ETV1: variants seen among roughly 807,000 people sequenced by gnomAD.
The protein encoded by ETV1 is ETS variant transcription factor 1.
A neutral mutation model predicts 62.3 loss-of-function variants in ETV1; 27 were observed. The observed-to-expected ratio is 0.43, with a 90% CI of 0.32 to 0.60. The LOEUF is 0.60. ETV1 is among the 20% of genes least tolerant of loss of function. The probability of loss-of-function intolerance (pLI) is 0.06; values close to 1 mark genes in which losing one functional copy is unlikely to be tolerated. For missense variants in ETV1, 605 were observed against 605.8 expected (o/e 1.00, Z 0.01); for synonymous variants, 222 against 199.6 (o/e 1.11, Z -0.94).
Position 13,989,325 on chromosome 7 carries a change from A to C in ETV1, c.-145T>G. 2.0e-6 allele frequency: 1 copy of C among 501,140 alleles called. No homozygotes were observed. Among genetic ancestry groups the C allele is most frequent in the Non-Finnish European group, 3.5e-6 (1 of 285,914 alleles). The allele number at this position is 501,140 out of a possible 1,614,324, so 31.0% of individuals were successfully genotyped here. On this transcript the variant is annotated 5_prime_UTR_variant, in exon 2 of 14. The change creates a new upstream start codon in the 5' untranslated region. Coordinates refer to ENST00000430479, the MANE Select transcript of ETV1 (RefSeq NM_004956.5). The stretch of plus-strand genomic sequence containing the variant: ...TTTACATATTTTCGGTAGTAGCAAA[A>C]ATCCGAACAAGAGGCGATGTATTTA...
rs2128397986 is a variant in ETV1 at position 13,894,895 on chromosome 7, G to A, written c.*971C>T. ...TAGTGTATTGGATATTTTTCTTAAA[G>A]AGTGTTTGCTGTAACTAGAACAGCA... On this transcript the variant is annotated 3_prime_UTR_variant, in exon 14 of 14. Coordinates refer to ENST00000430479, the MANE Select transcript of ETV1 (RefSeq NM_004956.5). 4.3e-6 allele frequency: 1 copy of A among 232,662 alleles called. No homozygotes were observed. Among genetic ancestry groups the A allele is most frequent in the Non-Finnish European group, 8.5e-6 (1 of 117,628 alleles). The allele number at this position is 232,662 out of a possible 1,614,324, so 14.4% of individuals were successfully genotyped here.
intron 6 of ETV1, among the ~76,000 whole-genome samples, chr7:13,941,909 A>G (rs1004774127): frequency 6.6e-6 from 1 of 150,992 alleles, no homozygotes; most frequent in Non-Finnish European, 1.5e-5. Flanking sequence ...AAATAAATAA[A>G]GTAAGAAAAT....
At chr7:13,914,714 C>A (rs565324906) in intron 9 of ETV1, among the ~76,000 whole-genome samples, 3 of 151,764 alleles carry the variant, frequency 2.0e-5, no homozygotes, top group African/African-American at 7.3e-5. Context: ...GGAAGCTTTA[C>A]CAAAGGTTTG....
Position 13,911,266 on chromosome 7 carries a change from A to G in ETV1, c.844T>C (p.Phe282Leu). The change falls in exon 10 of 14, where the codon TTC becomes CTC. Residue 282 changes from phenylalanine (F) to leucine (L), a missense_variant. By Grantham distance (22) the Phe-to-Leu change is conservative. Around this residue, in one of 3 missense-constraint regions of ETV1, gnomAD observed 426 missense variants for 377.8 expected, o/e 1.13. Transcript: ENST00000430479. The part of the protein sequence containing the change: ...CHSIYMRQEG[F>L]LAHPSRTEGC... ...TCTGTTCTGCTGGGATGAGCCAGGA[A>G]GCCTTCTTGCCTCATATAAATGGAG... is the stretch of plus-strand genomic sequence containing the variant. 2 of 1,613,158 alleles carry G rather than the reference A, an allele frequency of 1.2e-6. No individual in the cohort carries two copies. The highest frequency in any genetic ancestry group is 1.7e-6 in the Non-Finnish European group (2 of 1,179,304).
chr7:13,900,803 C>A lies in ETV1; in HGVS notation c.1147G>T (p.Ala383Ser). 1.2e-6 allele frequency: 2 copies of A among 1,611,146 alleles called. No homozygotes were observed. Among genetic ancestry groups the A allele is most frequent in the Non-Finnish European group, 1.7e-6 (2 of 1,178,670 alleles). The change falls in exon 13 of 14, where the codon GCT (alanine) becomes TCT (serine). Residue 383 changes from alanine (A) to serine (S), a missense_variant. Ala to Ser is a moderately conservative substitution (Grantham distance 99, BLOSUM62 1). Transcript: ENST00000430479. ...RRWGIQKNRP[A>S]MNYDKLSRSL... ...CGGCTAAGTTTATCATAGTTCATAG[C>A]TGGCCTGTTTTTCTGAATGCCCCAA...
chr7:13,984,811 G>T (rs950399915), intron 5 of ETV1, among the ~76,000 whole-genome samples: 4 of 151,786 alleles, frequency 2.6e-5, no homozygotes, highest in African/African-American at 9.7e-5. Context: ...TTGATTTACA[G>T]GTATGTTAAT....
intron 13 of ETV1, among the ~76,000 whole-genome samples, chr7:13,898,754 G>A (rs1562581307): frequency 6.6e-6 from 1 of 151,994 alleles, no homozygotes; most frequent in African/African-American, 2.4e-5. Context: ...CAACATCATA[G>A]TTTTTGCTAT....
intron 7 of ETV1, among the ~76,000 whole-genome samples, chr7:13,938,150 G>C (rs1562647352): frequency 2.0e-5 from 3 of 152,052 alleles, no homozygotes; most frequent in African/African-American, 7.2e-5. Flanking sequence ...TCTCCGTGTT[G>C]GTCAGGCTGG....
At position 13,935,818 on chromosome 7, in the gene ETV1, C is replaced by G. The variant is rs1786743864; in HGVS notation, c.444G>C (p.Leu148=). ...GAGTTGAGTTTGGAGATGCATGATGCAGTGGGGACACTGGCGTGCTGGATG... is the reference window on the plus strand; with the variant it reads ...GAGTTGAGTTTGGAGATGCATGATGGAGTGGGGACACTGGCGTGCTGGATG... ...PTPSSTPVSP[L]HHASPNSTHT... is the part of the protein sequence containing the mutation. The change falls in exon 8 of 14, where the codon CTG becomes CTC. Residue 148 remains leucine (L), a synonymous_variant. Transcript: ENST00000430479. 3 of 1,613,704 alleles carry G rather than the reference C, an allele frequency of 1.9e-6. No individual in the cohort carries two copies. Among genetic ancestry groups the G allele is most frequent in the Middle Eastern group, 1.6e-4 (1 of 6,084 alleles).
intron 6 of ETV1, among the ~76,000 whole-genome samples, chr7:13,970,427 C>A (rs1780783929): frequency 2.0e-5 from 3 of 152,052 alleles, no homozygotes; most frequent in Non-Finnish European, 2.9e-5. Context: ...AGAAGGTATG[C>A]AACTAGTCAT....
At chr7:13,966,623 G>A (rs1248294580) in intron 6 of ETV1, among the ~76,000 whole-genome samples, 1 of 151,948 alleles carries the variant, frequency 6.6e-6, no homozygotes, top group Non-Finnish European at 1.5e-5. Flanking sequence ...CTCCAGACTG[G>A]GCGACAGAGT....
intron 13 of ETV1, among the ~76,000 whole-genome samples, chr7:13,897,576 G>A (rs1781974658): frequency 6.6e-6 from 1 of 152,124 alleles, no homozygotes. Context: ...AATGGAGACA[G>A]GAATGGCGCC....
chr7:13,937,934 G>A (rs189701487), intron 7 of ETV1, among the ~76,000 whole-genome samples: 3 of 152,196 alleles, frequency 2.0e-5, no homozygotes, highest in Admixed American at 1.3e-4. Context: ...TGCCATAATG[G>A]CACAAGTCTA....
At chr7:13,954,874 A>T (rs1417644792) in intron 6 of ETV1, among the ~76,000 whole-genome samples, 1 of 152,222 alleles carries the variant, frequency 6.6e-6, no homozygotes, top group Non-Finnish European at 1.5e-5. Context: ...TACCAGAGCT[A>T]GGAAAGTTTG....
At chr7:13,901,945 A>C (rs1467128230) in intron 12 of ETV1, among the ~76,000 whole-genome samples, 6 of 152,136 alleles carry the variant, frequency 3.9e-5, no homozygotes, top group Non-Finnish European at 7.4e-5. Flanking sequence ...TTTAAAAAAA[A>C]TCCTCTCTCC....
rs903745380 is a variant in ETV1 at position 13,908,907 on chromosome 7, G to A, written c.940+725C>T. Among the ~76,000 whole-genome samples, 6 of 152,046 alleles carry A rather than the reference G, an allele frequency of 3.9e-5. No homozygotes were observed. In the South Asian group the frequency reaches 1.2e-3, roughly 32 times the overall value. ...AAGCAGGAAATATGAAAACCACTCT[G>A]AAGAACCACTAAATCAATTAACTGT... On this transcript the variant is annotated intron_variant, in intron 11 of 13. Transcript: ENST00000430479.
At position 13,956,373 on chromosome 7, in the gene ETV1, T is replaced by G. The variant is rs377593456; in HGVS notation, c.236-17127A>C. Reference sequence around the variant, plus strand: ...TCCCTATTACACTATTCCAGGAGTGTACCCTTAAGGCTATATTACAGGAGA... The same window carrying G: ...TCCCTATTACACTATTCCAGGAGTGGACCCTTAAGGCTATATTACAGGAGA... On this transcript the variant is annotated intron_variant, in intron 6 of 13. Coordinates refer to ENST00000430479, the MANE Select transcript of ETV1 (RefSeq NM_004956.5). Among the ~76,000 whole-genome samples, 105 of 152,160 alleles carry G rather than the reference T, an allele frequency of 6.9e-4. 3 individuals are homozygous for G. The highest frequency in any genetic ancestry group is 6.8e-3 in the Middle Eastern group (2 of 294).
At chr7:13,896,237 A>T (rs944262495) in intron 13 of ETV1, 150 bp from the exon 14 acceptor site, 7 of 195,616 alleles carry the variant, frequency 3.6e-5, no homozygotes, top group East Asian at 8.8e-5. Context: ...AGATACACAT[A>T]AAAAAAAAAA....
rs764806499 is a variant in ETV1, at chr7:13,931,597, T to C, written c.707A>G (p.Tyr236Cys). The change falls in exon 9 of 14, where the codon TAT (tyrosine) becomes TGT (cysteine). Residue 236 changes from tyrosine to cysteine, a missense_variant. Around this residue, in one of 3 missense-constraint regions of ETV1, gnomAD observed 426 missense variants for 377.8 expected, o/e 1.13. Transcript: ENST00000430479. ...GFKQEYHDPV[Y>C]EHNTMVGSAA... ...ACTGCCAACCATGGTGTTGTGTTCA[T>C]ACACTGGGTCGTGGTACTCCTGCTT... 17 of 1,613,944 alleles carry C rather than the reference T, an allele frequency of 1.1e-5. No homozygotes were observed. The highest frequency in any genetic ancestry group is 3.4e-6 in the Non-Finnish European group (4 of 1,179,912).
Sources: gnomAD v4.1 joint callset for allele counts (sites outside exome capture counted in the v4.1 genomes callset) on GRCh38, gnomAD v4.1.1 for gene constraint, gnomAD v4.1.1 regional missense constraint, MANE v1.5 for transcripts, NCBI Gene and HGNC (gene_info 2026-07-23, HGNC 2026-07-21) for gene names.